RAB27B: variants seen among roughly 807,000 people sequenced by gnomAD.
The protein encoded by RAB27B is RAB27B, member RAS oncogene family.
In RAB27B, 15 loss-of-function variants were observed where a neutral mutation model predicts 24.6. That is an observed-to-expected ratio of 0.61 (90% CI 0.41 to 0.94). The LOEUF (loss-of-function observed/expected upper bound fraction) is 0.94. Ranked by LOEUF, RAB27B falls within the 40% of genes least tolerant of loss-of-function variation. RAB27B has a pLI of 0.00. For synonymous variants in RAB27B, 105 were observed against 92.5 expected (o/e 1.14, Z -0.78); for missense variants, 261 against 266.8 (o/e 0.98, Z 0.15).
At chr18:54,803,253 T>C (rs1217206274) in intron 2 of RAB27B, among the ~76,000 whole-genome samples, 2 of 152,312 alleles carry the variant, frequency 1.3e-5, no homozygotes, top group Admixed American at 6.5e-5. Flanking sequence ...GAAGTCCTCC[T>C]AAGAGATGAC....
intron 1 of RAB27B, among the ~76,000 whole-genome samples, chr18:54,859,723 C>T (rs1911936924): frequency 6.6e-6 from 1 of 152,078 alleles, no homozygotes; most frequent in African/African-American, 2.4e-5. Flanking sequence ...TGAAACTCGA[C>T]AAAGACAAAA....
Position 54,889,475 on chromosome 18 carries a change from A to ACGGC in RAB27B, c.*62_*63insCGGC. ...AAATATTACTTTTAAAAACAATGACAAACCACACAATTGTTGTTGAGTAAA... is the reference window on the plus strand; with the variant it reads ...AAATATTACTTTTAAAAACAATGACACGGCAACCACACAATTGTTGTTGAGTAAA... On this transcript the variant is annotated 3_prime_UTR_variant, in exon 6 of 6. Transcript: ENST00000262094. 7.0e-7 allele frequency: 1 copy of ACGGC among 1,430,048 alleles called. No individual in the cohort carries two copies. The highest frequency in any genetic ancestry group is 9.4e-7 in the Non-Finnish European group (1 of 1,063,144). 88.6% of individuals were successfully genotyped at this position (1,430,048 alleles called of 1,614,324 possible).
rs143872904 is a variant in RAB27B, at chr18:54,750,017, C to T, written c.-20+31876C>T. On this transcript the variant is annotated intron_variant, in intron 2 of 4. Coordinates refer to the RAB27B transcript ENST00000586570. ...CTCATCATTGATATTTGGGATTTTG[C>T]ATCAATTAATGTCATAATTTCAACA... Among the ~76,000 whole-genome samples the T allele has an allele frequency of 1.9e-3, 291 of 152,264 alleles. 2 individuals carry two copies. Among genetic ancestry groups the T allele is most frequent in the African/African-American group, 6.4e-3 (267 of 41,568 alleles).
chr18:54,742,257 C>G (rs1232728078), intron 2 of RAB27B, among the ~76,000 whole-genome samples: 2 of 152,114 alleles, frequency 1.3e-5, no homozygotes, highest in Non-Finnish European at 2.9e-5. Context: ...ACAGGAGAGA[C>G]CTTTCTGGCA....
Position 54,889,449 on chromosome 18 carries a change from A to G in RAB27B, c.*36A>G. 1 of 1,541,948 alleles carries G rather than the reference A, an allele frequency of 6.5e-7. No individual in the cohort carries two copies. The highest frequency in any genetic ancestry group is 8.8e-7 in the Non-Finnish European group (1 of 1,140,826). The stretch of plus-strand genomic sequence containing the variant: ...GAAACTGAACATCAAGAACCCCACC[A>G]AAATATTACTTTTAAAAACAATGAC... On this transcript the variant is annotated 3_prime_UTR_variant, in exon 6 of 6. Coordinates refer to ENST00000262094, the MANE Select transcript of RAB27B (RefSeq NM_004163.4).
At chr18:54,749,908 T>C (rs1907778436) in intron 2 of RAB27B, among the ~76,000 whole-genome samples, 1 of 152,204 alleles carries the variant, frequency 6.6e-6, no homozygotes, top group Non-Finnish European at 1.5e-5. Flanking sequence ...GTAATTGTGC[T>C]CTTTGTTTTG....
At chr18:54,727,166 A>G (rs1027043871) in intron 2 of RAB27B, among the ~76,000 whole-genome samples, 4 of 152,116 alleles carry the variant, frequency 2.6e-5, no homozygotes, top group Admixed American at 6.5e-5. Context: ...TAGAGACAGA[A>G]TTTCATCATG....
At chr18:54,792,159 C>T (rs1880094009) in intron 2 of RAB27B, among the ~76,000 whole-genome samples, 1 of 152,134 alleles carries the variant, frequency 6.6e-6, no homozygotes, top group Admixed American at 6.5e-5. Flanking sequence ...TAACACATGC[C>T]CACTGGGTCT....
Position 54,888,001 on chromosome 18 carries a change from T to C in RAB27B, c.350T>C (p.Leu117Pro), listed in dbSNP as rs1913213190. 1 of 1,610,230 alleles carries C rather than the reference T, an allele frequency of 6.2e-7. No homozygotes were observed. Among genetic ancestry groups the C allele is most frequent in the Non-Finnish European group, 8.5e-7 (1 of 1,177,960 alleles). Residue 117 changes from leucine (L) to proline (P), a missense_variant, in exon 5 of 6, where the codon CTG becomes CCG. Physicochemically the swap from Leu to Pro is moderately conservative, Grantham distance 98. Coordinates refer to ENST00000262094, the MANE Select transcript of RAB27B (RefSeq NM_004163.4). ...CATCTGCTTTCTTTTCAAGGCCAAC[T>C]GCAAGCAAATGCTTATTGTGAAAAT... ...FLNVRNWMSQ[L>P]QANAYCENPD...
chr18:54,807,147 CGTT>C (rs1909816694), intron 2 of RAB27B, among the ~76,000 whole-genome samples: 1 of 152,178 alleles, frequency 6.6e-6, no homozygotes, highest in Admixed American at 6.5e-5. Context: ...GATCTGCCGG[CGTT>C]GGCCTCCCAA....
chr18:54,768,873 A>C (rs1908451384), intron 2 of RAB27B, among the ~76,000 whole-genome samples: 1 of 152,106 alleles, frequency 6.6e-6, no homozygotes, highest in African/African-American at 2.4e-5. Context: ...CCCATGATCC[A>C]ATTAACTCCA....
intron 2 of RAB27B, among the ~76,000 whole-genome samples, chr18:54,743,741 T>C (rs1480806819): frequency 6.6e-6 from 1 of 151,860 alleles, no homozygotes; most frequent in Non-Finnish European, 1.5e-5. Context: ...AGAGCCAGAG[T>C]GGACAGAGCG....
intron 1 of RAB27B, among the ~76,000 whole-genome samples, chr18:54,829,024 C>CA (rs1370661736): frequency 6.6e-6 from 1 of 152,114 alleles, no homozygotes; most frequent in Non-Finnish European, 1.5e-5. Flanking sequence ...ATTTGCATCT[C>CA]AAAAAACAAT....
chr18:54,856,045 C>G (rs1263885614), intron 1 of RAB27B, among the ~76,000 whole-genome samples: 2 of 152,084 alleles, frequency 1.3e-5, no homozygotes, highest in Admixed American at 6.5e-5. Context: ...AGCTTGCACC[C>G]TAGTGGGAAA....
At chr18:54,821,139 A>G (rs2145166884) in intron 2 of RAB27B, among the ~76,000 whole-genome samples, 1 of 152,290 alleles carries the variant, frequency 6.6e-6, no homozygotes, top group Middle Eastern at 3.4e-3. Context: ...AGAAAACCCC[A>G]TCATCTCAGC....
At chr18:54,725,633 C>A (rs1274501535) in intron 2 of RAB27B, among the ~76,000 whole-genome samples, 2 of 151,438 alleles carry the variant, frequency 1.3e-5, no homozygotes, top group African/African-American at 2.4e-5. Context: ...TGGCAGAGGG[C>A]ACCTCTTCAC....
intron 2 of RAB27B, among the ~76,000 whole-genome samples, chr18:54,796,560 G>A (rs993667250): frequency 2.0e-5 from 3 of 152,164 alleles, no homozygotes; most frequent in Admixed American, 6.5e-5. Flanking sequence ...GATGCCCAGA[G>A]GCAGACTCCC....
chr18:54,875,184 G>T (rs1912643286), intron 1 of RAB27B, among the ~76,000 whole-genome samples: 1 of 152,084 alleles, frequency 6.6e-6, no homozygotes, highest in Non-Finnish European at 1.5e-5. Context: ...AAAATAACCA[G>T]GTGTGGAGGC....
intron 2 of RAB27B, among the ~76,000 whole-genome samples, chr18:54,738,514 C>T (rs1421040828): frequency 1.3e-5 from 2 of 152,082 alleles, no homozygotes; most frequent in African/African-American, 4.8e-5. Context: ...GCCTGATTCC[C>T]CTTCCACCAT....
Sources: gnomAD v4.1 joint callset for allele counts (sites outside exome capture counted in the v4.1 genomes callset) on GRCh38, gnomAD v4.1.1 for gene constraint, MANE v1.5 for transcripts, NCBI Gene and HGNC (gene_info 2026-07-23, HGNC 2026-07-21) for gene names.